The following KCND3 variants were observed in gnomAD, a reference collection of about 807,000 sequenced individuals.
The protein encoded by KCND3 is potassium voltage-gated channel subfamily D member 3, also known as A-type voltage-gated potassium channel KCND3.
KCND3 carries 9 observed loss-of-function variants against 51.1 expected under a neutral mutation model. That is an observed-to-expected ratio of 0.18 (90% confidence interval 0.11 to 0.31). The LOEUF (loss-of-function observed/expected upper bound fraction) is 0.31. Ranked by LOEUF, KCND3 falls within the 10% of genes least tolerant of loss-of-function variation. KCND3 has a pLI of 1.00. For synonymous variants in KCND3, 349 were observed against 368.0 expected (o/e 0.95, Z 0.59); for missense variants, 526 against 903.8 (o/e 0.58, Z 5.36).
intron 2 of KCND3, among the ~76,000 whole-genome samples, chr1:111,951,746 A>C (rs753036607): frequency 6.6e-6 from 1 of 152,224 alleles, no homozygotes; most frequent in Non-Finnish European, 1.5e-5. Context: ...CGCTAAGAAG[A>C]AGCTGGGTTG....
At chr1:111,885,830 G>A (rs978901821) in intron 2 of KCND3, among the ~76,000 whole-genome samples, 1 of 152,028 alleles carries the variant, frequency 6.6e-6, no homozygotes, top group African/African-American at 2.4e-5. Flanking sequence ...CTGCCACCAT[G>A]CCCAGCTAAT....
chr1:111,815,351 T>C (rs958977937), intron 2 of KCND3, among the ~76,000 whole-genome samples: 2 of 151,920 alleles, frequency 1.3e-5, no homozygotes, highest in Non-Finnish European at 1.5e-5. Context: ...TGTGACAGAG[T>C]CTCTCCTTGA....
intron 2 of KCND3, among the ~76,000 whole-genome samples, chr1:111,934,476 C>T (rs1672123625): frequency 6.6e-6 from 1 of 152,228 alleles, no homozygotes; most frequent in Non-Finnish European, 1.5e-5. Flanking sequence ...CAGCCCCAGA[C>T]ATAGAAGGCC....
intron 2 of KCND3, among the ~76,000 whole-genome samples, chr1:111,912,727 A>G (rs977931140): frequency 6.6e-6 from 1 of 152,228 alleles, no homozygotes; most frequent in Non-Finnish European, 1.5e-5. Context: ...TAGTTTTTAA[A>G]AAAGTTTAAA....
rs180854655 is a variant in KCND3, at chr1:111,786,921, G to A, written c.1269+23C>T. The A allele has an allele frequency of 1.3e-5, 21 of 1,613,608 alleles. No individual in the cohort carries two copies. The highest frequency in any genetic ancestry group is 7.7e-5 in the South Asian group (7 of 91,050). ...CCCCCGCATCCTTTACACTGCCCCC[G>A]CTTCCCTGCGTCTGAGGCTTACCTT... On this transcript the variant is annotated intron_variant, in intron 3 of 7. Transcript: ENST00000302127.
intron 2 of KCND3, among the ~76,000 whole-genome samples, chr1:111,844,448 C>T (rs568130426): frequency 2.6e-4 from 40 of 152,258 alleles, no homozygotes; most frequent in Middle Eastern, 3.4e-3. Context: ...GCTTTCTGGT[C>T]GCTGAGAACC....
chr1:111,951,127 G>A lies in KCND3; in HGVS notation c.1106+30494C>T, dbSNP rs192160929. ...GGAGGTTGCGGTGAGCCAAGATCACGCCATTGCACTCCAGCCTGGCAAACA... is the reference window on the plus strand; with the variant it reads ...GGAGGTTGCGGTGAGCCAAGATCACACCATTGCACTCCAGCCTGGCAAACA... On this transcript the variant is annotated intron_variant, in intron 2 of 7. Coordinates refer to ENST00000302127, the MANE Select transcript of KCND3 (RefSeq NM_001378969.1). Among the ~76,000 whole-genome samples, 733 of 117,584 alleles carry A rather than the reference G, an allele frequency of 6.2e-3. 2 individuals carry two copies. Among genetic ancestry groups the A allele is most frequent in the Non-Finnish European group, 9.2e-3 (575 of 62,374 alleles). The allele number at this position is 117,584 out of a possible 152,430, so 77.1% of individuals were successfully genotyped here. A position where few individuals can be genotyped will look rare whatever the true frequency, so the allele number is the denominator to read the frequency against.
At position 111,796,858 on chromosome 1, in the gene KCND3, C is replaced by T. The variant is rs74112132; in HGVS notation, c.1107-9752G>A. Among the ~76,000 whole-genome samples, 807 of 152,270 alleles carry T rather than the reference C, an allele frequency of 5.3e-3. 7 individuals are homozygous for T. Among genetic ancestry groups the T allele is most frequent in the African/African-American group, 0.018 (754 of 41,548 alleles). The stretch of plus-strand genomic sequence containing the variant: ...TAAGCTCTGCCAGCAGAGAGTCCTG[C>T]GAAAAGGGGTGGGCGACCCTTCCAG... On this transcript the variant is annotated intron_variant, in intron 2 of 7. Transcript: ENST00000302127.
intron 2 of KCND3, among the ~76,000 whole-genome samples, chr1:111,825,013 C>T (rs1219919277): frequency 1.3e-5 from 2 of 152,198 alleles, no homozygotes; most frequent in African/African-American, 4.8e-5. Flanking sequence ...AAACCCCTGA[C>T]ATTTCAGTAA....
chr1:111,834,703 C>G (rs1666993889), intron 2 of KCND3, among the ~76,000 whole-genome samples: 1 of 152,174 alleles, frequency 6.6e-6, no homozygotes, highest in Non-Finnish European at 1.5e-5. Context: ...GAATTAAGCC[C>G]AAATCTTTAA....
intron 1 of KCND3, among the ~76,000 whole-genome samples, chr1:111,983,868 C>T (rs776443341): frequency 6.6e-6 from 1 of 152,132 alleles, no homozygotes; most frequent in Admixed American, 6.5e-5. Context: ...AGCAATGGCA[C>T]GGAGAATTAT....
At chr1:111,980,473 T>C (rs3008527) in intron 2 of KCND3, among the ~76,000 whole-genome samples, 35,688 of 151,744 alleles carry the variant, frequency 0.24, 4,404 homozygotes, top group Non-Finnish European at 0.26. Context: ...CCAACACTAT[T>C]GCCTCTGGGT....
Position 111,770,796 on chromosome 1 carries a change from A to C in KCND3, c.*5281T>G, listed in dbSNP as rs888188493. 1.5e-5 allele frequency: 2 copies of C among 129,568 alleles called. No individual in the cohort carries two copies. Among genetic ancestry groups the C allele is most frequent in the Non-Finnish European group, 3.2e-5 (2 of 63,404 alleles). The allele number at this position is 129,568 out of a possible 1,614,324, so 8.0% of individuals were successfully genotyped here. ...TACAGTTTCAAAAGAAGACGACAGG[A>C]AACTCAAGGGTGTTTTTTTTTTTTC... On this transcript the variant is annotated 3_prime_UTR_variant, in exon 8 of 8. Transcript: ENST00000302127.
chr1:111,963,363 A>G (rs74783698), intron 2 of KCND3, among the ~76,000 whole-genome samples: 88 of 152,344 alleles, frequency 5.8e-4, no homozygotes, highest in African/African-American at 2.0e-3. Flanking sequence ...GGTTAAGGGG[A>G]TCCTAGAGCC....
chr1:111,965,939 A>G (rs975208495), intron 2 of KCND3, among the ~76,000 whole-genome samples: 2 of 152,108 alleles, frequency 1.3e-5, no homozygotes, highest in Non-Finnish European at 2.9e-5. Context: ...GTTCCAGGAC[A>G]ATTGCCCCGG....
chr1:111,865,352 G>A (rs905581184), intron 2 of KCND3, among the ~76,000 whole-genome samples: 1 of 152,184 alleles, frequency 6.6e-6, no homozygotes, highest in Admixed American at 6.5e-5. Flanking sequence ...TACTTTTTGA[G>A]GACCTTCACA....
intron 2 of KCND3, among the ~76,000 whole-genome samples, chr1:111,846,153 G>A (rs116341836): frequency 4.7e-4 from 72 of 152,288 alleles, no homozygotes; most frequent in Non-Finnish European, 5.9e-4. Flanking sequence ...GTGAATGAGG[G>A]ACTATTTATA....
At chr1:111,805,675 C>T (rs1335772421) in intron 2 of KCND3, among the ~76,000 whole-genome samples, 1 of 152,206 alleles carries the variant, frequency 6.6e-6, no homozygotes, top group African/African-American at 2.4e-5. Context: ...AAGAGTCAAG[C>T]GAGGAGCGGG....
chr1:111,860,623 G>C (rs1007995798), intron 2 of KCND3, among the ~76,000 whole-genome samples: 1 of 152,062 alleles, frequency 6.6e-6, no homozygotes, highest in African/African-American at 2.4e-5. Context: ...ATCTATCCTT[G>C]AGCTGCAACT....
Sources: gnomAD v4.1 joint callset for allele counts (sites outside exome capture counted in the v4.1 genomes callset) on GRCh38, gnomAD v4.1.1 for gene constraint, MANE v1.5 for transcripts, NCBI Gene and HGNC (gene_info 2026-07-23, HGNC 2026-07-21) for gene names.